The following MACROD2 variants were observed in gnomAD, a reference collection of about 807,000 sequenced individuals.
MACROD2 encodes the protein mono-ADP ribosylhydrolase 2.
A neutral mutation model predicts 70.4 loss-of-function variants in MACROD2; 36 were observed. The ratio of observed to expected loss-of-function variants is 0.51; its 90% confidence interval spans 0.39 to 0.68. The LOEUF (loss-of-function observed/expected upper bound fraction) is 0.68, where lower values mean the gene tolerates loss of function less well. MACROD2 is among the 30% of genes least tolerant of loss of function. The pLI is 0.00. For synonymous variants in MACROD2, 172 were observed against 178.8 expected (o/e 0.96, Z 0.30); for missense variants, 496 against 538.4 (o/e 0.92, Z 0.78).
chr20:15,662,861 G>T (rs1203775965), intron 8 of MACROD2, among the ~76,000 whole-genome samples: 1 of 151,868 alleles, frequency 6.6e-6, no homozygotes, highest in Non-Finnish European at 1.5e-5. Context: ...GAAGAAAAAG[G>T]CACATTGGTA....
intron 3 of MACROD2, among the ~76,000 whole-genome samples, chr20:14,422,707 T>G (rs2083888927): frequency 6.6e-6 from 1 of 152,240 alleles, no homozygotes; most frequent in South Asian, 2.1e-4. Flanking sequence ...TATTGGTATC[T>G]TTATACGCTG....
chr20:14,190,054 G>A (rs2081372385), intron 3 of MACROD2, among the ~76,000 whole-genome samples: 1 of 152,132 alleles, frequency 6.6e-6, no homozygotes, highest in South Asian at 2.1e-4. Flanking sequence ...TTCCATAAGA[G>A]GTAGGCTCTT....
chr20:15,780,175 G>A (rs561060328), intron 8 of MACROD2, among the ~76,000 whole-genome samples: 1 of 152,002 alleles, frequency 6.6e-6, no homozygotes, highest in South Asian at 2.1e-4. Context: ...GCCCACTTCT[G>A]CCTTCTAATA....
chr20:14,253,163 G>T (rs1226507432), intron 3 of MACROD2, among the ~76,000 whole-genome samples: 1 of 151,824 alleles, frequency 6.6e-6, no homozygotes, highest in African/African-American at 2.4e-5. Flanking sequence ...GACAGAAAAT[G>T]GTATATTTTA....
At chr20:15,635,844 G>C (rs200772) in intron 8 of MACROD2, among the ~76,000 whole-genome samples, 16,463 of 151,890 alleles carry the variant, frequency 0.11, 1,037 homozygotes, top group African/African-American at 0.13. Flanking sequence ...GAGGCAGGCG[G>C]ATCACCTGAA....
chr20:14,502,855 G>A (rs1477549615), intron 4 of MACROD2, among the ~76,000 whole-genome samples: 1 of 152,122 alleles, frequency 6.6e-6, no homozygotes, highest in Non-Finnish European at 1.5e-5. Context: ...TACAAATATG[G>A]ATAGAGGAAT....
chr20:15,008,796 A>G (rs2075059724), intron 5 of MACROD2, among the ~76,000 whole-genome samples: 1 of 152,208 alleles, frequency 6.6e-6, no homozygotes, highest in African/African-American at 2.4e-5. Flanking sequence ...TATGTTTATT[A>G]TCACCTTATT....
chr20:15,540,742 G>A (rs2047944595), intron 8 of MACROD2, among the ~76,000 whole-genome samples: 10 of 152,160 alleles, frequency 6.6e-5, no homozygotes, highest in Admixed American at 6.6e-4. Flanking sequence ...TCTTTTTGAG[G>A]GCTGTGAGAA....
chr20:14,910,819 T>A (rs2074017611), intron 5 of MACROD2, among the ~76,000 whole-genome samples: 1 of 152,196 alleles, frequency 6.6e-6, no homozygotes, highest in Non-Finnish European at 1.5e-5. Flanking sequence ...GAGTTTAGAA[T>A]GCCTTGTGAT....
chr20:15,402,698 T>C (rs1213834064), intron 6 of MACROD2, among the ~76,000 whole-genome samples: 1 of 152,190 alleles, frequency 6.6e-6, no homozygotes, highest in Non-Finnish European at 1.5e-5. Flanking sequence ...AATAAAGAAG[T>C]GCAAAAATAG....
chr20:15,530,030 G>A (rs887710664), intron 8 of MACROD2, among the ~76,000 whole-genome samples: 1 of 152,140 alleles, frequency 6.6e-6, no homozygotes, highest in Admixed American at 6.5e-5. Context: ...AGTAAATAAA[G>A]CTTGTATTTG....
At chr20:14,243,591 A>G (rs1195690185) in intron 3 of MACROD2, among the ~76,000 whole-genome samples, 1 of 152,152 alleles carries the variant, frequency 6.6e-6, no homozygotes, top group African/African-American at 2.4e-5. Context: ...CACTTTGGCT[A>G]AGAGCCCCTT....
intron 5 of MACROD2, among the ~76,000 whole-genome samples, chr20:14,763,653 G>C (rs571681207): frequency 6.6e-6 from 1 of 152,184 alleles, no homozygotes; most frequent in South Asian, 2.1e-4. Flanking sequence ...AGGATTTAAA[G>C]ATTTAGACTT....
intron 3 of MACROD2, among the ~76,000 whole-genome samples, chr20:14,179,024 G>GT (rs2081286601): frequency 6.6e-6 from 1 of 152,160 alleles, no homozygotes; most frequent in Non-Finnish European, 1.5e-5. Flanking sequence ...AACCAAAGGT[G>GT]TGGAGGATGA....
intron 8 of MACROD2, among the ~76,000 whole-genome samples, chr20:15,539,725 T>C (rs1035226813): frequency 2.6e-4 from 40 of 152,216 alleles, no homozygotes; most frequent in African/African-American, 9.4e-4. Context: ...CGGTGGCTCA[T>C]GCCTGTTATC....
At chr20:15,611,571 T>C (rs1399520559) in intron 8 of MACROD2, among the ~76,000 whole-genome samples, 1 of 151,910 alleles carries the variant, frequency 6.6e-6, no homozygotes, top group Non-Finnish European at 1.5e-5. Flanking sequence ...TTTAGTAGAG[T>C]AGGTGCTGGT....
chr20:15,877,422 G>A (rs760871668), intron 9 of MACROD2, among the ~76,000 whole-genome samples: 1 of 151,926 alleles, frequency 6.6e-6, no homozygotes, highest in East Asian at 1.9e-4. Flanking sequence ...GCTCATTTTG[G>A]CCAAGGATCA....
intron 6 of MACROD2, among the ~76,000 whole-genome samples, chr20:15,353,707 C>T (rs2078254207): frequency 7.2e-6 from 1 of 139,210 alleles, no homozygotes; most frequent in South Asian, 2.4e-4. Context: ...ACAGACACTT[C>T]TCAAAAGAAG....
intron 8 of MACROD2, among the ~76,000 whole-genome samples, chr20:15,707,198 G>A (rs997943371): frequency 3.3e-5 from 5 of 152,138 alleles, no homozygotes; most frequent in Admixed American, 2.0e-4. Context: ...TGACGGAAAC[G>A]AGTATGAGGA....
Sources: allele counts gnomAD v4.1 joint callset (sites outside exome capture counted in the v4.1 genomes callset), GRCh38; gene constraint gnomAD v4.1.1; transcripts MANE v1.5; gene names NCBI Gene and HGNC (gene_info 2026-07-23, HGNC 2026-07-21).